The following LUZP2 variants were observed in gnomAD, a reference collection of about 807,000 sequenced individuals.
LUZP2 encodes leucine zipper protein 2.
Under a neutral mutation model 51.6 loss-of-function variants are expected in LUZP2, and 52 were observed. The observed-to-expected ratio is 1.01, with a 90% CI of 0.81 to 1.27. LUZP2 has a LOEUF of 1.27. Ranked by LOEUF, LUZP2 falls within the 50% of genes most tolerant of loss-of-function variation. The pLI is 0.00. For synonymous variants in LUZP2, 154 were observed against 137.3 expected, an observed-to-expected ratio of 1.12 and a Z score of -0.85; for missense variants, 436 against 395.4, an observed-to-expected ratio of 1.10 and a Z score of -0.87.
intron 7 of LUZP2, among the ~76,000 whole-genome samples, chr11:24,920,681 C>T (rs781742072): frequency 1.3e-5 from 2 of 150,656 alleles, no homozygotes; most frequent in Non-Finnish European, 3.0e-5. Context: ...TGAAACAACC[C>T]AGACACAGAA....
intron 1 of LUZP2, among the ~76,000 whole-genome samples, chr11:24,600,469 GA>G (rs1853591142): frequency 6.6e-6 from 1 of 152,120 alleles, no homozygotes; most frequent in Non-Finnish European, 1.5e-5. Context: ...GAAACTAACA[GA>G]GGGGGAATGG....
intron 2 of LUZP2, among the ~76,000 whole-genome samples, chr11:24,730,407 C>CA (rs55796736): frequency 2.8e-4 from 41 of 147,390 alleles, no homozygotes; most frequent in South Asian, 2.0e-3. Context: ...GAAACGAGAG[C>CA]AAAAAAAAAA....
chr11:24,672,506 A>T (rs1270518599), intron 1 of LUZP2, among the ~76,000 whole-genome samples: 2 of 152,132 alleles, frequency 1.3e-5, no homozygotes, highest in East Asian at 3.9e-4. Flanking sequence ...AACATTTTTG[A>T]GATAAGTCTC....
At chr11:24,628,504 A>G (rs919901146) in intron 1 of LUZP2, among the ~76,000 whole-genome samples, 22 of 152,004 alleles carry the variant, frequency 1.4e-4, no homozygotes, top group Admixed American at 3.3e-4. Flanking sequence ...CTGATTTATT[A>G]GTTTCAAAAG....
chr11:24,997,230 C>T (rs1303745388), intron 9 of LUZP2, among the ~76,000 whole-genome samples: 1 of 151,808 alleles, frequency 6.6e-6, no homozygotes, highest in Non-Finnish European at 1.5e-5. Context: ...TTGACAGTTC[C>T]ACCAACAGTG....
chr11:24,613,246 T>C (rs1051818715), intron 1 of LUZP2, among the ~76,000 whole-genome samples: 2 of 152,138 alleles, frequency 1.3e-5, no homozygotes, highest in African/African-American at 4.8e-5. Flanking sequence ...GTGATGCTTT[T>C]ATATTTGACC....
chr11:24,612,753 T>C (rs1409297942), intron 1 of LUZP2, among the ~76,000 whole-genome samples: 1 of 152,136 alleles, frequency 6.6e-6, no homozygotes. Context: ...TGATTAGTTG[T>C]GTTTAATTTT....
chr11:24,918,732 G>A (rs1853888462), intron 7 of LUZP2, among the ~76,000 whole-genome samples: 1 of 150,678 alleles, frequency 6.6e-6, no homozygotes, highest in South Asian at 2.1e-4. Context: ...CGTCACCAGA[G>A]CAAATGCAAA....
intron 5 of LUZP2, among the ~76,000 whole-genome samples, chr11:24,859,170 T>C (rs1278065472): frequency 1.3e-5 from 2 of 152,210 alleles, no homozygotes; most frequent in African/African-American, 4.8e-5. Flanking sequence ...ACAATAGTTA[T>C]ATTGTCACAT....
chr11:24,991,647 T>C (rs1856349528), intron 9 of LUZP2, among the ~76,000 whole-genome samples: 3 of 151,942 alleles, frequency 2.0e-5, no homozygotes, highest in Admixed American at 2.0e-4. Context: ...ATTTCCACAC[T>C]GTTTTCCATA....
At chr11:24,987,971 T>G (rs1367040049) in intron 9 of LUZP2, among the ~76,000 whole-genome samples, 2 of 151,884 alleles carry the variant, frequency 1.3e-5, no homozygotes, top group Non-Finnish European at 2.9e-5. Flanking sequence ...GTTTTGGAGG[T>G]TATTCAAAAA....
At chr11:24,632,177 A>G (rs1176868913) in intron 1 of LUZP2, among the ~76,000 whole-genome samples, 1 of 151,978 alleles carries the variant, frequency 6.6e-6, no homozygotes, top group Admixed American at 6.6e-5. Flanking sequence ...TCACTACTGA[A>G]TTTTTACACA....
At chr11:24,571,703 G>T (rs1306568384) in intron 1 of LUZP2, among the ~76,000 whole-genome samples, 1 of 151,994 alleles carries the variant, frequency 6.6e-6, no homozygotes, top group Non-Finnish European at 1.5e-5. Context: ...CCTTAGAAAT[G>T]TATTTGTTTT....
At chr11:24,520,353 T>G (rs207471732) in intron 1 of LUZP2, among the ~76,000 whole-genome samples, 1 of 152,208 alleles carries the variant, frequency 6.6e-6, no homozygotes, top group East Asian at 1.9e-4. Context: ...AAAAAATGAC[T>G]GCAATAAATA....
Position 24,695,347 on chromosome 11 carries a change from T to G in LUZP2, c.63-33822T>G, listed in dbSNP as rs149373693. On this transcript the variant is annotated intron_variant, in intron 1 of 11. Transcript: ENST00000336930. ...AATTTTGTTCATAATTGACATATAA[T>G]AATTATACATATATATGAGATACAG... Among the ~76,000 whole-genome samples, 66 of 152,212 alleles carry G rather than the reference T, an allele frequency of 4.3e-4. 1 individual carries two copies. The highest frequency in any genetic ancestry group is 9.1e-4 in the Non-Finnish European group (62 of 68,000).
chr11:24,786,511 A>C (rs893589054), intron 5 of LUZP2: 2 of 941,170 alleles, frequency 2.1e-6, no homozygotes, highest in African/African-American at 1.8e-5. Context: ...AGAATAAAAT[A>C]TGTGTATATT....
At chr11:24,497,688 T>C (rs1300734904) in intron 1 of LUZP2, among the ~76,000 whole-genome samples, 1 of 152,198 alleles carries the variant, frequency 6.6e-6, no homozygotes, top group Non-Finnish European at 1.5e-5. Flanking sequence ...TGGAGTTGTC[T>C]TAATAACCAT....
chr11:24,587,052 C>G (rs753713474), intron 1 of LUZP2, among the ~76,000 whole-genome samples: 2 of 152,058 alleles, frequency 1.3e-5, no homozygotes, highest in Non-Finnish European at 2.9e-5. Context: ...GTAACACAAA[C>G]AATTTTTATT....
At chr11:25,033,102 G>C (rs1857741192) in intron 9 of LUZP2, among the ~76,000 whole-genome samples, 1 of 152,124 alleles carries the variant, frequency 6.6e-6, no homozygotes, top group Non-Finnish European at 1.5e-5. Context: ...GCTACTTCAG[G>C]TTACAGCCAT....
Sources: gnomAD v4.1 joint callset for allele counts (sites outside exome capture counted in the v4.1 genomes callset) on GRCh38, gnomAD v4.1.1 for gene constraint, MANE v1.5 for transcripts, NCBI Gene and HGNC (gene_info 2026-07-23, HGNC 2026-07-21) for gene names.